The following BIRC6 variants were observed in gnomAD, a reference collection of about 807,000 sequenced individuals.
BIRC6 encodes the protein baculoviral IAP repeat containing 6, also known as dual E2 ubiquitin-conjugating enzyme/E3 ubiquitin-protein ligase BIRC6.
In BIRC6, 98 loss-of-function variants were observed where a neutral mutation model predicts 503.3. That is an observed-to-expected ratio of 0.19 (90% confidence interval 0.17 to 0.23). BIRC6 has a LOEUF of 0.23. Ranked by LOEUF, BIRC6 falls within the 10% of genes least tolerant of loss-of-function variation. The pLI is 1.00. For missense variants in BIRC6, 5,360 were observed against 5,806.0 expected (o/e 0.92, Z 2.50); for synonymous variants, 2,240 against 2,078.7 (o/e 1.08, Z -2.11).
intron 10 of BIRC6, among the ~76,000 whole-genome samples, chr2:32,424,971 T>A (rs1193676029): frequency 1.5e-4 from 23 of 152,190 alleles, no homozygotes. Context: ...AAGTGGTATC[T>A]GTTGTGGTTT....
chr2:32,487,022 GAATA>G (rs2051075370), intron 40 of BIRC6, among the ~76,000 whole-genome samples: 1 of 151,246 alleles, frequency 6.6e-6, no homozygotes, highest in Non-Finnish European at 1.5e-5. Context: ...AAAAAAAAAA[GAATA>G]AAAAAGAAAA....
At chr2:32,560,576 A>G (rs541976559) in intron 65 of BIRC6, among the ~76,000 whole-genome samples, 4 of 152,162 alleles carry the variant, frequency 2.6e-5, no homozygotes, top group Admixed American at 1.3e-4. Flanking sequence ...TAATGTAACT[A>G]TATATTTTTT....
Position 32,618,027 on chromosome 2 carries a change from A to AAGGAGATC in BIRC6, c.*124_*131dup. On this transcript the variant is annotated 3_prime_UTR_variant, in exon 74 of 74. Coordinates refer to ENST00000421745, the MANE Select transcript of BIRC6 (RefSeq NM_016252.4). ...GAAACTGAAACTATACTATGCCCTT[A>AAGGAGATC]AGGAGATCCAGTTTAATTCAAGGTG... 1.1e-6 allele frequency: 1 copy of AAGGAGATC among 936,626 alleles called. No homozygotes were observed. The allele number at this position is 936,626 out of a possible 1,614,324, so 58.0% of individuals were successfully genotyped here.
chr2:32,583,378 CG>C (rs1559103775), intron 66 of BIRC6, among the ~76,000 whole-genome samples: 1 of 152,082 alleles, frequency 6.6e-6, no homozygotes, highest in East Asian at 1.9e-4. Flanking sequence ...TTTCAAGAGT[CG>C]TGATTTGTAA....
chr2:32,467,828 T>C (rs2048719849), intron 27 of BIRC6, 75 bp from the exon 28 acceptor site: 2 of 1,436,096 alleles, frequency 1.4e-6, no homozygotes, highest in Non-Finnish European at 1.9e-6. Flanking sequence ...AATATAACTA[T>C]CTTTTTAAAT....
intron 69 of BIRC6, among the ~76,000 whole-genome samples, chr2:32,599,082 A>C (rs1032055656): frequency 1.0e-4 from 15 of 149,268 alleles, no homozygotes; most frequent in Non-Finnish European, 1.6e-4. Flanking sequence ...TAATCCTGGC[A>C]TTTTGGGAGG....
At position 32,357,809 on chromosome 2, in the gene BIRC6, C is replaced by G. The variant is rs947788061; in HGVS notation, c.325+323C>G. Among the ~76,000 whole-genome samples, 1 of 152,030 alleles carries G rather than the reference C, an allele frequency of 6.6e-6. No individual in the cohort carries two copies. The highest frequency in any genetic ancestry group is 1.5e-5 in the Non-Finnish European group (1 of 67,992). On this transcript the variant is annotated intron_variant, in intron 1 of 73. Transcript: ENST00000421745. The surrounding 1 kb of genome is among the most constrained non-coding windows in gnomAD (Gnocchi z 4.9). ...GCTTGGCACCGGAGGAAGCGAGGCC[C>G]GGGTAGGCCCTGGAGAGGCTGTCGG...
intron 1 of BIRC6, among the ~76,000 whole-genome samples, chr2:32,374,261 A>G (rs569394013): frequency 4.6e-5 from 7 of 152,122 alleles, no homozygotes; most frequent in East Asian, 1.9e-4. Context: ...TCTTGACTCT[A>G]TTTTGTTCCA....
chr2:32,558,346 A>G (rs961214629), intron 65 of BIRC6, among the ~76,000 whole-genome samples: 28 of 152,330 alleles, frequency 1.8e-4, no homozygotes, highest in African/African-American at 6.5e-4. Flanking sequence ...CTTAGTGTAT[A>G]CAATTCGGTA....
intron 65 of BIRC6, among the ~76,000 whole-genome samples, chr2:32,569,188 C>T (rs1031512889): frequency 1.7e-4 from 26 of 151,866 alleles, no homozygotes; most frequent in Non-Finnish European, 3.1e-4. Context: ...GGGGTTTCGC[C>T]GTGTTGACCA....
intron 65 of BIRC6, among the ~76,000 whole-genome samples, chr2:32,559,828 A>G (rs758180477): frequency 6.6e-6 from 1 of 152,216 alleles, no homozygotes; most frequent in Middle Eastern, 3.4e-3. Flanking sequence ...TGCCTGGCCA[A>G]CATGGTGAAA....
At position 32,597,839 on chromosome 2, in the gene BIRC6, T is replaced by C; in HGVS notation, c.13701T>C (p.Asn4567=). 6.2e-7 allele frequency: 1 copy of C among 1,613,880 alleles called. No homozygotes were observed. The highest frequency in any genetic ancestry group is 8.5e-7 in the Non-Finnish European group (1 of 1,179,774). Residue 4567 remains asparagine (N), a synonymous_variant, in exon 69 of 74, where the codon AAT becomes AAC. Transcript: ENST00000421745. ...ACATGTCTCAGGTGAAAAATGCTAA[T>C]GATGCGAACAGTGCTGCCAGAGCTC... ...YHYMSQVKNA[N]DANSAARARR... is the part of the protein sequence containing the mutation.
intron 10 of BIRC6, among the ~76,000 whole-genome samples, chr2:32,422,629 T>C (rs1443855840): frequency 5.9e-5 from 9 of 152,204 alleles, no homozygotes; most frequent in Non-Finnish European, 1.3e-4. Flanking sequence ...AAACTGGTTT[T>C]ATGCTTTGGA....
At chr2:32,500,954 C>A (rs1324075343) in intron 46 of BIRC6, among the ~76,000 whole-genome samples, 2 of 151,632 alleles carry the variant, frequency 1.3e-5, no homozygotes, top group African/African-American at 4.8e-5. Flanking sequence ...CCAGGCTGGT[C>A]TTGAACTCTT....
rs370214697 is a variant in BIRC6, at chr2:32,588,683, AT to A, written c.13356-5228del. Among the ~76,000 whole-genome samples, 31 of 152,296 alleles carry A rather than the reference AT, an allele frequency of 2.0e-4. No individual in the cohort carries two copies. In the East Asian group the frequency reaches 5.8e-3, roughly 28 times the overall value. ...TCCCCATTTATGAGTATTGTTCAAC[AT>A]TTTATTTTAGACTGTTAGAAAAGAC... On this transcript the variant is annotated intron_variant, in intron 66 of 73. Coordinates refer to ENST00000421745, the MANE Select transcript of BIRC6 (RefSeq NM_016252.4).
chr2:32,423,792 A>G (rs575648149), intron 10 of BIRC6, among the ~76,000 whole-genome samples: 1 of 152,248 alleles, frequency 6.6e-6, no homozygotes, highest in East Asian at 1.9e-4. Context: ...ATTACTCACC[A>G]TTCTGAGTAG....
chr2:32,450,440 C>G (rs1041167267), intron 22 of BIRC6, among the ~76,000 whole-genome samples: 8 of 151,724 alleles, frequency 5.3e-5, no homozygotes, highest in Non-Finnish European at 1.5e-5. Flanking sequence ...CCAGCCCGGG[C>G]GAAAGAGTGA....
chr2:32,534,591 C>T (rs1212442091), intron 61 of BIRC6, among the ~76,000 whole-genome samples: 3 of 150,610 alleles, frequency 2.0e-5, no homozygotes, highest in East Asian at 2.0e-4. Context: ...ATTAGCTGGG[C>T]GTGGTGGTGG....
rs1417764994 is a variant in BIRC6 at position 32,467,847 on chromosome 2, C to G, written c.5572-56C>G. 4.1e-6 allele frequency: 6 copies of G among 1,472,992 alleles called. No individual in the cohort carries two copies. In the African/African-American group the frequency reaches 7.1e-5, roughly 17 times the overall value. 91.2% of individuals were successfully genotyped at this position (1,472,992 alleles called of 1,614,324 possible). On this transcript the variant is annotated intron_variant, in intron 27 of 73. Transcript: ENST00000421745. Reference sequence around the variant, plus strand: ...TAACTATCTTTTTAAATACATTGCTCAGATTTTTATTGTGGCAGATGTGTA... The same window carrying G: ...TAACTATCTTTTTAAATACATTGCTGAGATTTTTATTGTGGCAGATGTGTA...
Sources: gnomAD v4.1 joint callset for allele counts (sites outside exome capture counted in the v4.1 genomes callset) on GRCh38, gnomAD v4.1.1 for gene constraint, Gnocchi (gnomAD v3.1) non-coding constraint, MANE v1.5 for transcripts, NCBI Gene and HGNC (gene_info 2026-07-23, HGNC 2026-07-21) for gene names.